Variants in N4BP2 observed in about 807,000 individuals in gnomAD.
The protein encoded by N4BP2 is NEDD4 binding protein 2, also known as NEDD4-binding protein 2.
Under a neutral mutation model 152.8 loss-of-function variants are expected in N4BP2, and 91 were observed. The observed-to-expected ratio is 0.60, with a 90% CI of 0.50 to 0.71. The LOEUF is 0.71. Among genes scored for constraint, N4BP2 ranks in the 30% least tolerant of loss-of-function variants. The pLI, the probability that N4BP2 is intolerant of heterozygous loss-of-function variation, is 0.00. For synonymous variants in N4BP2, 646 were observed against 705.3 expected (o/e 0.92, Z 1.33); for missense variants, 1,923 against 2,059.1 (o/e 0.93, Z 1.28).
At chr4:40,130,461 C>T (rs1718812504) in intron 12 of N4BP2, among the ~76,000 whole-genome samples, 1 of 152,110 alleles carries the variant, frequency 6.6e-6, no homozygotes, top group African/African-American at 2.4e-5. Context: ...TTATAAATGG[C>T]CTAAGTATGG....
chr4:40,126,791 T>C (rs966648111), intron 12 of N4BP2, among the ~76,000 whole-genome samples: 4 of 152,138 alleles, frequency 2.6e-5, no homozygotes, highest in Non-Finnish European at 5.9e-5. Flanking sequence ...GGAGTCTCGC[T>C]CTGTTGCCCA....
rs1044579374 is a variant in N4BP2, at chr4:40,156,677, T to C, written c.*2440T>C. 1.3e-5 allele frequency: 2 copies of C among 152,116 alleles called. No individual in the cohort carries two copies. Among genetic ancestry groups the C allele is most frequent in the African/African-American group, 2.4e-5 (1 of 41,446 alleles). The allele number at this position is 152,116 out of a possible 1,614,324, so 9.4% of individuals were successfully genotyped here. ...ATTTCTAAATCCTGTATGTCAAAGATAGTTTGGAGATTATAAAAATTTTCA... is the reference window on the plus strand; with the variant it reads ...ATTTCTAAATCCTGTATGTCAAAGACAGTTTGGAGATTATAAAAATTTTCA... On this transcript the variant is annotated 3_prime_UTR_variant, in exon 18 of 18. Transcript: ENST00000261435.
chr4:40,083,946 G>T (rs1035334422), intron 2 of N4BP2, among the ~76,000 whole-genome samples: 2 of 152,198 alleles, frequency 1.3e-5, no homozygotes, highest in African/African-American at 4.8e-5. Context: ...GATTTTAAAT[G>T]TATTTTGGAT....
At chr4:40,165,007 C>A in the N4BP2 span, among the ~76,000 whole-genome samples, 2 of 151,870 alleles carry the variant, frequency 1.3e-5, no homozygotes, top group African/African-American at 2.4e-5. Flanking sequence ...ATTGTTCTGT[C>A]CTTTCTTAGA....
the N4BP2 span, among the ~76,000 whole-genome samples, chr4:40,174,339 G>T: frequency 2.0e-4 from 31 of 151,994 alleles, 1 homozygote; most frequent in African/African-American, 6.8e-4. Context: ...ATCATTTAAA[G>T]AAATTAAAAA....
Position 40,102,462 on chromosome 4 carries a change from C to T in N4BP2, c.617C>T (p.Ser206Phe), listed in dbSNP as rs763510266. The change falls in exon 4 of 18, where the codon TCT becomes TTT. Residue 206 changes from serine to phenylalanine, a missense_variant. Transcript: ENST00000261435. ...MNLNGENLEN[S>F]GSTLSLNPLP... is the part of the protein sequence containing the mutation. Reference sequence around the variant, plus strand: ...TTGAACGGTGAAAATTTAGAGAATTCTGGTTCTACTTTAAGTTTAAACCCA... The same window carrying T: ...TTGAACGGTGAAAATTTAGAGAATTTTGGTTCTACTTTAAGTTTAAACCCA... The T allele has an allele frequency of 1.8e-5, 29 of 1,613,362 alleles. No individual in the cohort carries two copies. In the Admixed American group the frequency reaches 4.9e-4, roughly 27 times the overall value.
chr4:40,120,150 C>T lies in N4BP2; in HGVS notation c.2039C>T (p.Thr680Ile). 1 of 1,612,976 alleles carries T rather than the reference C, an allele frequency of 6.2e-7. No individual in the cohort carries two copies. Residue 680 changes from threonine (T) to isoleucine (I), a missense_variant, in exon 9 of 18, where the codon ACT (threonine) becomes ATT (isoleucine). By Grantham distance (89) the Thr-to-Ile change is moderately conservative. Transcript: ENST00000261435. ...PSIQSALILE[T>I]PHMYFSDSES... ...ATTCAAAGTGCTTTAATTCTGGAAACTCCACACATGTATTTTTCTGACTCT... is the reference window on the plus strand; with the variant it reads ...ATTCAAAGTGCTTTAATTCTGGAAATTCCACACATGTATTTTTCTGACTCT...
rs1407522756 is a variant in N4BP2, at chr4:40,157,508, G to T, written c.*3271G>T. 1 of 152,038 alleles carries T rather than the reference G, an allele frequency of 6.6e-6. No homozygotes were observed. The highest frequency in any genetic ancestry group is 1.5e-5 in the Non-Finnish European group (1 of 67,984). 9.4% of individuals were successfully genotyped at this position (152,038 alleles called of 1,614,324 possible). On this transcript the variant is annotated 3_prime_UTR_variant, in exon 18 of 18. Coordinates refer to ENST00000261435, the MANE Select transcript of N4BP2 (RefSeq NM_018177.6). ...ATTGAGATCGGTTATTTCTGAGCTG[G>T]AAATTGGAAACTTTGGAAACTCAGG... is the stretch of plus-strand genomic sequence containing the variant.
chr4:40,134,929 C>A (rs56274935), intron 13 of N4BP2, among the ~76,000 whole-genome samples: 5 of 73,552 alleles, frequency 6.8e-5, no homozygotes, highest in East Asian at 7.3e-4. Flanking sequence ...CTCTTTCTTT[C>A]TTTTTTATTT....
chr4:40,189,921 T>C, the N4BP2 span, among the ~76,000 whole-genome samples: 7 of 149,240 alleles, frequency 4.7e-5, no homozygotes, highest in Non-Finnish European at 9.0e-5. The surrounding 1 kb of genome is among the most constrained non-coding windows in gnomAD (Gnocchi z 4.3). Context: ...CACAGACACA[T>C]ACACACACAC....
At chr4:40,166,423 C>T in the N4BP2 span, among the ~76,000 whole-genome samples, 1 of 152,100 alleles carries the variant, frequency 6.6e-6, no homozygotes, top group Admixed American at 6.6e-5. Context: ...GGCGAGGTGG[C>T]TTATGTCTGT....
rs796165040 is a variant in N4BP2, at chr4:40,142,124, TAGGGAG to T, written c.4786-544_4786-539del. On this transcript the variant is annotated intron_variant, in intron 14 of 17. Transcript: ENST00000261435. ...CGTGGGGAGAGGGAGAGGGAGACCA[TAGGGAG>T]AGGGGGAGGGGGAGGGAGAGGGAGA... The T allele has an allele frequency of 9.5e-3, 882 of 92,436 alleles. 19 individuals carry two copies. The highest frequency in any genetic ancestry group is 0.029 in the Admixed American group (187 of 6,538). The allele number at this position is 92,436 out of a possible 1,614,324, so 5.7% of individuals were successfully genotyped here. A position where few individuals can be genotyped will look rare whatever the true frequency, so the allele number is the denominator to read the frequency against.
chr4:40,094,585 C>T (rs917150705), intron 2 of N4BP2, among the ~76,000 whole-genome samples: 4 of 151,522 alleles, frequency 2.6e-5, no homozygotes, highest in African/African-American at 7.3e-5. Context: ...GATGGAGTTT[C>T]GCTCTTGTTG....
intron 1 of N4BP2, among the ~76,000 whole-genome samples, chr4:40,072,291 G>A (rs1225480639): frequency 5.4e-5 from 8 of 148,512 alleles, no homozygotes; most frequent in African/African-American, 2.0e-4. Flanking sequence ...TTGTCGCCAG[G>A]CTGGAGTTCA....
chr4:40,162,773 T>A (rs1248386897), downstream of N4BP2, among the ~76,000 whole-genome samples: 1 of 152,138 alleles, frequency 6.6e-6, no homozygotes. Flanking sequence ...ATCAGGAGAA[T>A]TGGCTCCTGT....
intron 2 of N4BP2, among the ~76,000 whole-genome samples, chr4:40,081,371 C>T (rs1330427611): frequency 2.0e-5 from 3 of 152,112 alleles, no homozygotes; most frequent in Admixed American, 1.3e-4. Context: ...GAAGGCCGGG[C>T]GAGGTGGCTC....
At position 40,102,181 on chromosome 4, in the gene N4BP2, A is replaced by C. The variant is rs1225857058; in HGVS notation, c.336A>C (p.Ala112=). ...CTTCTGAGAACCAAGTAGGTGCAGC[A>C]GAAAGTAAAATAATGGAAAAACGTC... ...FVASENQVGA[A]ESKIMEKRPE... Residue 112 remains alanine, a synonymous_variant, in exon 4 of 18, where the codon GCA becomes GCC. Transcript: ENST00000261435. 1.2e-6 allele frequency: 2 copies of C among 1,613,984 alleles called. No individual in the cohort carries two copies. The highest frequency in any genetic ancestry group is 1.7e-6 in the Non-Finnish European group (2 of 1,179,936).
the N4BP2 span, among the ~76,000 whole-genome samples, chr4:40,186,929 TG>T: frequency 1.3e-5 from 2 of 152,344 alleles, no homozygotes; most frequent in South Asian, 4.1e-4. Context: ...TTTTTATCTA[TG>T]GGCCCAATTG....
At chr4:40,172,594 G>A in the N4BP2 span, among the ~76,000 whole-genome samples, 8 of 152,198 alleles carry the variant, frequency 5.3e-5, no homozygotes, top group Non-Finnish European at 1.2e-4. Flanking sequence ...GAGAGGCCTG[G>A]AACAGCTGCC....
Sources: allele counts gnomAD v4.1 joint callset (sites outside exome capture counted in the v4.1 genomes callset), GRCh38; gene constraint gnomAD v4.1.1; non-coding constraint Gnocchi (gnomAD v3.1); transcripts MANE v1.5; gene names NCBI Gene and HGNC (gene_info 2026-07-23, HGNC 2026-07-21).